CNTN6: variants seen among roughly 807,000 people sequenced by gnomAD.
CNTN6 encodes the protein contactin 6.
Under a neutral mutation model 122.8 loss-of-function variants are expected in CNTN6, and 137 were observed. The ratio of observed to expected loss-of-function variants is 1.12; its 90% confidence interval spans 0.97 to 1.29. CNTN6 has a LOEUF of 1.29. Among genes scored for constraint, CNTN6 ranks in the 50% most tolerant of loss-of-function variants. The pLI, the probability that CNTN6 is intolerant of heterozygous loss-of-function variation, is 0.00. For synonymous variants in CNTN6, 570 were observed against 426.0 expected, an observed-to-expected ratio of 1.34 and a Z score of -4.16; for missense variants, 1,634 against 1,223.4, an observed-to-expected ratio of 1.34 and a Z score of -5.01.
chr3:1,154,742 C>A (rs1199136258), intron 2 of CNTN6, among the ~76,000 whole-genome samples: 1 of 152,082 alleles, frequency 6.6e-6, no homozygotes, highest in East Asian at 1.9e-4. Flanking sequence ...CGCGCCCGGC[C>A]CAGGATTGAT....
In CNTN6 at chr3:1,390,081, C is replaced by T. The variant is rs546002115; in HGVS notation, c.2704+4284C>T. ...GGACCTAATAGACATCTACAGAACT[C>T]TCCACCACAAATCAACAGAATATAG... On this transcript the variant is annotated intron_variant, in intron 20 of 22. Coordinates refer to ENST00000446702, the MANE Select transcript of CNTN6 (RefSeq NM_001289080.2). Among the ~76,000 whole-genome samples, 46 of 152,132 alleles carry T rather than the reference C, an allele frequency of 3.0e-4. 1 individual carries two copies. The East Asian group carries it at 8.3e-3, about 27-fold the overall frequency.
intron 1 of CNTN6, among the ~76,000 whole-genome samples, chr3:1,140,729 TCTGA>T (rs1164521724): frequency 2.0e-5 from 3 of 152,202 alleles, no homozygotes; most frequent in Non-Finnish European, 4.4e-5. Context: ...TAGAAATGAT[TCTGA>T]CTATTTCCAT....
At chr3:1,307,378 C>G (rs1173046069) in intron 7 of CNTN6, among the ~76,000 whole-genome samples, 1 of 151,972 alleles carries the variant, frequency 6.6e-6, no homozygotes, top group Non-Finnish European at 1.5e-5. Flanking sequence ...CTTTTTTCCC[C>G]TCTGTTCATA....
intron 2 of CNTN6, among the ~76,000 whole-genome samples, chr3:1,158,771 T>TATATATATACATACATATATACACACAC (rs1553610494): frequency 4.5e-5 from 5 of 111,812 alleles, no homozygotes; most frequent in African/African-American, 1.0e-4. Flanking sequence ...TATACACACA[T>TATATATATACATACATATATACACACAC]ATATATGTGT....
intron 4 of CNTN6, among the ~76,000 whole-genome samples, chr3:1,242,784 A>G (rs1416070931): frequency 2.6e-5 from 4 of 152,140 alleles, no homozygotes; most frequent in African/African-American, 9.7e-5. Flanking sequence ...CGGCCTAATA[A>G]GGGAACTGGG....
At chr3:1,310,954 T>C (rs1282967825) in intron 7 of CNTN6, among the ~76,000 whole-genome samples, 1 of 152,004 alleles carries the variant, frequency 6.6e-6, no homozygotes, top group Non-Finnish European at 1.5e-5. Flanking sequence ...TGAGCTGAGA[T>C]TGTGCCATTG....
chr3:1,275,823 G>T (rs1036472706), intron 4 of CNTN6, among the ~76,000 whole-genome samples: 22 of 152,244 alleles, frequency 1.4e-4, no homozygotes, highest in African/African-American at 4.3e-4. Context: ...AGCTCAGGAG[G>T]TAATGTGATT....
At chr3:1,111,134 G>C (rs1234400498) in intron 1 of CNTN6, among the ~76,000 whole-genome samples, 2 of 152,164 alleles carry the variant, frequency 1.3e-5, no homozygotes, top group African/African-American at 2.4e-5. Flanking sequence ...GCAACTAGTA[G>C]TGAATTTCAG....
intron 9 of CNTN6, among the ~76,000 whole-genome samples, chr3:1,326,297 G>A (rs981060016): frequency 8.6e-5 from 13 of 151,644 alleles, no homozygotes; most frequent in Non-Finnish European, 1.5e-4. Flanking sequence ...ATATTTTTCC[G>A]TGCATTATCT....
chr3:1,350,661 A>C (rs1012142487), intron 11 of CNTN6, among the ~76,000 whole-genome samples: 3 of 151,828 alleles, frequency 2.0e-5, no homozygotes, highest in African/African-American at 4.8e-5. Context: ...AAGTTATGTG[A>C]AAAATTATAT....
Position 1,298,008 on chromosome 3 carries a change from TG to T in CNTN6, c.761+18del, listed in dbSNP as rs1696578194. The T allele has an allele frequency of 6.4e-7, 1 of 1,560,770 alleles. No individual in the cohort carries two copies. The highest frequency in any genetic ancestry group is 1.9e-5 in the Admixed American group (1 of 52,204). ...CCTTGGAAAGTAAGGTTTTTGTTTT[TG>T]TTTTTGTTTTCCTGGTTGCATTAAT... On this transcript the variant is annotated intron_variant, in intron 7 of 22. Transcript: ENST00000446702.
chr3:1,281,969 G>GAT (rs1233644432), intron 5 of CNTN6, among the ~76,000 whole-genome samples: 1 of 130,610 alleles, frequency 7.7e-6, no homozygotes, highest in Non-Finnish European at 1.6e-5. Flanking sequence ...ATTTTAGTGT[G>GAT]ATATATATAG....
intron 11 of CNTN6, among the ~76,000 whole-genome samples, chr3:1,330,918 T>C (rs1702200437): frequency 6.6e-6 from 1 of 151,944 alleles, no homozygotes; most frequent in Non-Finnish European, 1.5e-5. Flanking sequence ...AAATGAGAAC[T>C]AGGTTTGTAG....
chr3:1,131,215 G>A (rs2092327157), intron 1 of CNTN6, among the ~76,000 whole-genome samples: 1 of 152,044 alleles, frequency 6.6e-6, no homozygotes, highest in Non-Finnish European at 1.5e-5. Context: ...ATTCATCCTG[G>A]AAATGTAGTG....
In CNTN6 at chr3:1,158,969, CAT is replaced by C. The variant is rs147254743; in HGVS notation, c.55+10920_55+10921del. Among the ~76,000 whole-genome samples the C allele has an allele frequency of 4.7e-3, 529 of 112,912 alleles. 55 individuals carry two copies. Among genetic ancestry groups the C allele is most frequent in the African/African-American group, 0.018 (474 of 26,320 alleles). The allele number at this position is 112,912 out of a possible 152,430, so 74.1% of individuals were successfully genotyped here. ...ATATATATATACACACACACACACA[CAT>C]ATATATATATATAGACAAGGTCTTG... On this transcript the variant is annotated intron_variant, in intron 2 of 22. Coordinates refer to ENST00000446702, the MANE Select transcript of CNTN6 (RefSeq NM_001289080.2).
Position 1,114,546 on chromosome 3 carries a change from GGGGATCACA to G in CNTN6, c.-83+21429_-83+21437del, listed in dbSNP as rs554473462. ...AGAAATGACACATTTTCTTTCTCAA[GGGGATCACA>G]GGTCAATAGGAACACAGGGATCTGT... is the stretch of plus-strand genomic sequence containing the variant. On this transcript the variant is annotated intron_variant, in intron 1 of 22. Transcript: ENST00000446702. Among the ~76,000 whole-genome samples, 215 of 152,234 alleles carry G rather than the reference GGGGATCACA, an allele frequency of 1.4e-3. 1 individual carries two copies. The highest frequency in any genetic ancestry group is 5.0e-3 in the African/African-American group (206 of 41,528).
intron 12 of CNTN6, among the ~76,000 whole-genome samples, chr3:1,354,248 T>C (rs1706166204): frequency 8.1e-6 from 1 of 123,032 alleles, no homozygotes; most frequent in Non-Finnish European, 1.7e-5. Context: ...AGGTTCCTAG[T>C]ACTTATGATA....
chr3:1,293,827 C>T (rs1157152905), intron 5 of CNTN6, among the ~76,000 whole-genome samples: 1 of 152,186 alleles, frequency 6.6e-6, no homozygotes, highest in Non-Finnish European at 1.5e-5. Flanking sequence ...AGACATAGTT[C>T]TACTCTACCT....
At chr3:1,236,807 G>A (rs115960543) in intron 4 of CNTN6, among the ~76,000 whole-genome samples, 1,780 of 152,252 alleles carry the variant, frequency 0.012, 34 homozygotes, top group African/African-American at 0.038. Context: ...GAGACCAGGC[G>A]CGGTGGCTCA....
Sources: allele counts gnomAD v4.1 joint callset (sites outside exome capture counted in the v4.1 genomes callset), GRCh38; gene constraint gnomAD v4.1.1; transcripts MANE v1.5; gene names NCBI Gene and HGNC (gene_info 2026-07-23, HGNC 2026-07-21).